The following WDR49 variants were observed in gnomAD, a reference collection of about 807,000 sequenced individuals.
The protein encoded by WDR49 is WD repeat domain 49, also known as cilia- and flagella-associated protein 337.
Under a neutral mutation model 119.5 loss-of-function variants are expected in WDR49, and 107 were observed. The observed-to-expected ratio is 0.90, with a 90% CI of 0.77 to 1.05. WDR49 has a LOEUF of 1.05. Ranked by LOEUF, WDR49 falls within the 50% of genes least tolerant of loss-of-function variation. The pLI, the probability that WDR49 is intolerant of heterozygous loss-of-function variation, is 0.00. For synonymous variants in WDR49, 425 were observed against 418.8 expected, an observed-to-expected ratio of 1.01 and a Z score of -0.18; for missense variants, 1,240 against 1,220.5, an observed-to-expected ratio of 1.02 and a Z score of -0.24.
intron 2 of WDR49, among the ~76,000 whole-genome samples, chr3:167,643,557 G>A (rs79971113): frequency 2.0e-5 from 3 of 152,052 alleles, no homozygotes; most frequent in East Asian, 1.9e-4. Flanking sequence ...TTACTGGGAC[G>A]AAAGGGGACA....
At chr3:167,601,079 A>G (rs927461410) in intron 7 of WDR49, among the ~76,000 whole-genome samples, 4 of 152,204 alleles carry the variant, frequency 2.6e-5, no homozygotes, top group Non-Finnish European at 4.4e-5. Flanking sequence ...GATATATTAG[A>G]AAACCTTTGC....
upstream of WDR49, among the ~76,000 whole-genome samples, chr3:167,655,917 C>A (rs1173533513): frequency 6.6e-6 from 1 of 151,966 alleles, no homozygotes; most frequent in Non-Finnish European, 1.5e-5. Flanking sequence ...CTCTATCTCT[C>A]TCTCTCTCTA....
At chr3:167,588,026 A>G (rs1453740470) in intron 7 of WDR49, among the ~76,000 whole-genome samples, 1 of 152,166 alleles carries the variant, frequency 6.6e-6, no homozygotes, top group Non-Finnish European at 1.5e-5. Context: ...CTGTTGTGCT[A>G]GCAAATACTA....
intron 8 of WDR49, among the ~76,000 whole-genome samples, chr3:167,569,059 C>T (rs555876733): frequency 3.9e-5 from 6 of 151,918 alleles, no homozygotes; most frequent in South Asian, 2.1e-4. Context: ...TCTCTGCCTC[C>T]GCCTCCTGAG....
chr3:167,592,848 T>A (rs563040802), intron 7 of WDR49, among the ~76,000 whole-genome samples: 23 of 152,326 alleles, frequency 1.5e-4, no homozygotes, highest in Admixed American at 1.4e-3. Flanking sequence ...GTTTGTCTGG[T>A]AAGGTCTTTA....
intron 18 of WDR49, among the ~76,000 whole-genome samples, chr3:167,492,331 G>C (rs1470731756): frequency 1.3e-5 from 2 of 152,020 alleles, no homozygotes; most frequent in Admixed American, 6.6e-5. Context: ...ATTTGAACAG[G>C]GGAGGCTGAA....
intron 8 of WDR49, 140 bp downstream of exon 8, chr3:167,575,778 G>A: frequency 1.2e-6 from 1 of 808,466 alleles, no homozygotes; most frequent in Admixed American, 2.8e-5. Context: ...TTGCAGAAAA[G>A]CACATGGCTA....
intron 7 of WDR49, among the ~76,000 whole-genome samples, chr3:167,584,010 A>C (rs1430036825): frequency 6.6e-6 from 1 of 152,174 alleles, no homozygotes; most frequent in Non-Finnish European, 1.5e-5. Flanking sequence ...TTCTCATTAC[A>C]AGCAAGAATG....
At chr3:167,532,400 C>T (rs1752879732) in intron 12 of WDR49, among the ~76,000 whole-genome samples, 1 of 152,046 alleles carries the variant, frequency 6.6e-6, no homozygotes, top group African/African-American at 2.4e-5. Context: ...CCATAAAATA[C>T]AATATACTCC....
At chr3:167,636,471 T>C (rs1717625236) in intron 2 of WDR49, among the ~76,000 whole-genome samples, 1 of 150,504 alleles carries the variant, frequency 6.6e-6, no homozygotes, top group Non-Finnish European at 1.5e-5. Flanking sequence ...GCAATATCTT[T>C]TTGGTATAAT....
chr3:167,601,181 T>C (rs1715750769), intron 7 of WDR49, among the ~76,000 whole-genome samples: 1 of 152,118 alleles, frequency 6.6e-6, no homozygotes, highest in Non-Finnish European at 1.5e-5. Context: ...GATGGTAAAA[T>C]CAACAGAAAT....
At chr3:167,527,694 G>T in intron 15 of WDR49, 126 bp downstream of exon 15, 1 of 1,020,326 alleles carries the variant, frequency 9.8e-7, no homozygotes, top group Non-Finnish European at 1.4e-6. Flanking sequence ...TACTGCTTCG[G>T]AAATGTTGTC....
chr3:167,524,319 T>A (rs1471217953), intron 15 of WDR49, among the ~76,000 whole-genome samples: 1 of 151,974 alleles, frequency 6.6e-6, no homozygotes, highest in Non-Finnish European at 1.5e-5. Flanking sequence ...ATAGATAGAT[T>A]GATTGATTGC....
chr3:167,528,987 T>C, intron 14 of WDR49, 65 bp downstream of exon 14: 2 of 1,356,476 alleles, frequency 1.5e-6, no homozygotes, highest in East Asian at 2.5e-5. Flanking sequence ...GCTTGATTCA[T>C]AGTTACCTGC....
chr3:167,633,497 C>T (rs942727553), intron 2 of WDR49: 2 of 456,170 alleles, frequency 4.4e-6, no homozygotes, highest in Non-Finnish European at 8.8e-6. Context: ...TCTTTAGCCA[C>T]TCGTAGTGCT....
intron 12 of WDR49, among the ~76,000 whole-genome samples, chr3:167,532,467 G>A (rs1212352559): frequency 6.6e-6 from 1 of 152,004 alleles, no homozygotes; most frequent in Non-Finnish European, 1.5e-5. Flanking sequence ...TTTCCAGGTG[G>A]CATAATATTT....
At chr3:167,516,674 C>T (rs1752220068) in intron 16 of WDR49, among the ~76,000 whole-genome samples, 1 of 152,054 alleles carries the variant, frequency 6.6e-6, no homozygotes, top group South Asian at 2.1e-4. Flanking sequence ...GGAATCGCCA[C>T]ACTGACTTCC....
At chr3:167,649,651 A>G (rs1336084233) in intron 2 of WDR49, among the ~76,000 whole-genome samples, 1 of 152,168 alleles carries the variant, frequency 6.6e-6, no homozygotes, top group Non-Finnish European at 1.5e-5. Context: ...TTCACCTCCA[A>G]GACAGATTTG....
At chr3:167,564,965 G>C (rs892771192) in intron 8 of WDR49, among the ~76,000 whole-genome samples, 41 of 151,854 alleles carry the variant, frequency 2.7e-4, no homozygotes, top group Non-Finnish European at 2.5e-4. Context: ...ACAGAGGGTT[G>C]AGATACTTGA....
Sources: gnomAD v4.1 joint callset for allele counts (sites outside exome capture counted in the v4.1 genomes callset) on GRCh38, gnomAD v4.1.1 for gene constraint, MANE v1.5 for transcripts, NCBI Gene and HGNC (gene_info 2026-07-23, HGNC 2026-07-21) for gene names.